COL13A1: variants seen among roughly 807,000 people sequenced by gnomAD.
The protein encoded by COL13A1 is collagen alpha-1(XIII) chain.
A neutral mutation model predicts 130.9 loss-of-function variants in COL13A1; 89 were observed. That is an observed-to-expected ratio of 0.68 (90% CI 0.57 to 0.81). COL13A1 has a LOEUF of 0.81. Among genes scored for constraint, COL13A1 ranks in the 30% least tolerant of loss-of-function variants. The probability of loss-of-function intolerance (pLI) is 0.00; values close to 1 mark genes in which losing one functional copy is unlikely to be tolerated. For missense variants in COL13A1, 879 were observed against 934.6 expected, an observed-to-expected ratio of 0.94 and a Z score of 0.78; for synonymous variants, 402 against 341.6, an observed-to-expected ratio of 1.18 and a Z score of -1.95.
chr10:69,902,473 G>GC (rs894337593), intron 14 of COL13A1, among the ~76,000 whole-genome samples: 29 of 152,122 alleles, frequency 1.9e-4, no homozygotes, highest in Non-Finnish European at 3.7e-4. Context: ...CTCTGCCTCT[G>GC]CCCCCCCGCA....
chr10:69,869,115 G>A (rs1236744346), intron 3 of COL13A1, among the ~76,000 whole-genome samples: 1 of 152,174 alleles, frequency 6.6e-6, no homozygotes, highest in Non-Finnish European at 1.5e-5. Context: ...TGCCTGACTT[G>A]AGGGTCCTTT....
intron 38 of COL13A1, among the ~76,000 whole-genome samples, 184 bp downstream of exon 38, chr10:69,947,526 A>G (rs2068738980): frequency 6.6e-6 from 1 of 152,156 alleles, no homozygotes; most frequent in Non-Finnish European, 1.5e-5. Flanking sequence ...CCTGATCCTC[A>G]CATGGAAGCC....
intron 38 of COL13A1, among the ~76,000 whole-genome samples, chr10:69,952,482 T>C (rs1434155283): frequency 6.6e-6 from 1 of 152,002 alleles, no homozygotes; most frequent in East Asian, 1.9e-4. Context: ...AAACATTAAT[T>C]GGGGAAAAAA....
intron 10 of COL13A1, among the ~76,000 whole-genome samples, chr10:69,892,506 T>C (rs2061278634): frequency 6.6e-6 from 1 of 152,206 alleles, no homozygotes; most frequent in Non-Finnish European, 1.5e-5. Context: ...ACATAAGGGC[T>C]GTAAAGCAAG....
At chr10:69,839,043 A>T (rs1199067267) in intron 2 of COL13A1, among the ~76,000 whole-genome samples, 2 of 152,222 alleles carry the variant, frequency 1.3e-5, no homozygotes, top group Non-Finnish European at 2.9e-5. Flanking sequence ...CCATCCCCTG[A>T]TTGGGCCTCT....
intron 2 of COL13A1, chr10:69,824,058 G>C: frequency 2.1e-6 from 1 of 471,164 alleles, no homozygotes; most frequent in Non-Finnish European, 4.4e-6. Flanking sequence ...AAGCCACAGA[G>C]GATGTAGGTT....
intron 28 of COL13A1, among the ~76,000 whole-genome samples, chr10:69,929,551 C>G (rs1161397736): frequency 1.3e-5 from 2 of 152,182 alleles, no homozygotes; most frequent in Non-Finnish European, 2.9e-5. Context: ...CCTGCCCTTT[C>G]CTCTGCTTCT....
At chr10:69,898,634 G>T in intron 13 of COL13A1, 63 bp from the exon 14 acceptor site, 1 of 1,484,928 alleles carries the variant, frequency 6.7e-7, no homozygotes, top group Non-Finnish European at 9.2e-7. Context: ...TTTTGGCATC[G>T]ATCTGAATAC....
intron 38 of COL13A1, among the ~76,000 whole-genome samples, chr10:69,948,289 T>G (rs1178298441): frequency 6.6e-6 from 1 of 152,216 alleles, no homozygotes; most frequent in Non-Finnish European, 1.5e-5. Flanking sequence ...ACCATGTTCA[T>G]GCACAGAAAG....
At chr10:69,930,246 C>T (rs1483444783) in intron 29 of COL13A1, among the ~76,000 whole-genome samples, 154 bp from the exon 30 acceptor site, 1 of 152,116 alleles carries the variant, frequency 6.6e-6, no homozygotes, top group Non-Finnish European at 1.5e-5. Context: ...CCCTGCAAGC[C>T]CCAGGAGGAG....
intron 2 of COL13A1, among the ~76,000 whole-genome samples, chr10:69,855,077 G>A (rs1856021745): frequency 6.6e-6 from 1 of 152,216 alleles, no homozygotes; most frequent in Non-Finnish European, 1.5e-5. Context: ...TGTAACCTAT[G>A]GAGCCTGGGT....
At chr10:69,941,132 G>A (rs1460668647) in intron 35 of COL13A1, 109 bp downstream of exon 35, 24 of 1,563,316 alleles carry the variant, frequency 1.5e-5, no homozygotes, top group Non-Finnish European at 2.1e-5. Context: ...ATCATGCCTG[G>A]TCCCACCTCC....
chr10:69,811,894 A>G (rs1304769953), intron 1 of COL13A1, among the ~76,000 whole-genome samples: 1 of 151,902 alleles, frequency 6.6e-6, no homozygotes, highest in Non-Finnish European at 1.5e-5. Context: ...ATATGTGAGC[A>G]CAATGACCTC....
chr10:69,948,678 T>G (rs1346331541), intron 38 of COL13A1, among the ~76,000 whole-genome samples: 4 of 152,336 alleles, frequency 2.6e-5, no homozygotes, highest in South Asian at 4.1e-4. Flanking sequence ...TATATTCAAT[T>G]AGTATTTTCT....
chr10:69,828,180 T>C (rs1461001203), intron 2 of COL13A1, among the ~76,000 whole-genome samples: 2 of 152,156 alleles, frequency 1.3e-5, no homozygotes, highest in African/African-American at 2.4e-5. Flanking sequence ...GATCCTCCTG[T>C]TCGATTGCTG....
At chr10:69,842,719 G>C (rs978653403) in intron 2 of COL13A1, among the ~76,000 whole-genome samples, 10 of 152,332 alleles carry the variant, frequency 6.6e-5, no homozygotes, top group African/African-American at 2.4e-4. Context: ...CCAGATGCTG[G>C]CCTCAGTGTG....
chr10:69,913,803 G>GGCAGA (rs2063635374), intron 17 of COL13A1, among the ~76,000 whole-genome samples: 1 of 151,728 alleles, frequency 6.6e-6, no homozygotes, highest in African/African-American at 2.4e-5. Context: ...TGGAGTGAGC[G>GGCAGA]GCAGAGCGAG....
In COL13A1 at chr10:69,802,443, A is replaced by G. The variant is rs1461787377; in HGVS notation, c.20A>G (p.His7Arg). ...GAGAGGATGGTAGCGGAGCGCACCC[A>G]CAAAGCGGCAGCCACCGGTGCCCGC... Reference protein sequence around the residue: MVAERTHKAAATGARGP... With the variant: MVAERTRKAAATGARGP... Residue 7 changes from histidine to arginine, a missense_variant, in exon 1 of 41, where the codon CAC (histidine) becomes CGC (arginine). Physicochemically the swap from His to Arg is conservative, Grantham distance 29. This residue lies in a region of COL13A1 where 715 missense variants were observed against 721.0 expected (regional missense o/e 0.99). Coordinates refer to ENST00000645393, the MANE Select transcript of COL13A1 (RefSeq NM_001368882.1). The G allele has an allele frequency of 6.7e-7, 1 of 1,503,102 alleles. No individual in the cohort carries two copies. The allele number at this position is 1,503,102 out of a possible 1,614,324, so 93.1% of individuals were successfully genotyped here. A position where few individuals can be genotyped will look rare whatever the true frequency, so the allele number is the denominator to read the frequency against.
intron 40 of COL13A1, among the ~76,000 whole-genome samples, chr10:69,958,000 A>T (rs2071115856): frequency 6.6e-6 from 1 of 152,168 alleles, no homozygotes; most frequent in Admixed American, 6.5e-5. Context: ...AAGATGCCAG[A>T]ATCTCACTAG....
Sources: gnomAD v4.1 joint callset for allele counts (sites outside exome capture counted in the v4.1 genomes callset) on GRCh38, gnomAD v4.1.1 for gene constraint, gnomAD v4.1.1 regional missense constraint, MANE v1.5 for transcripts, NCBI Gene and HGNC (gene_info 2026-07-23, HGNC 2026-07-21) for gene names.